Variants in CACNA2D3 observed in about 807,000 individuals in gnomAD.
The protein encoded by CACNA2D3 is voltage-dependent calcium channel subunit alpha-2/delta-3.
A neutral mutation model predicts 160.6 loss-of-function variants in CACNA2D3; 60 were observed. The ratio of observed to expected loss-of-function variants is 0.37; its 90% CI spans 0.30 to 0.46. The LOEUF is 0.46. Among genes scored for constraint, CACNA2D3 ranks in the 20% least tolerant of loss-of-function variants. The pLI, the probability that CACNA2D3 is intolerant of heterozygous loss-of-function variation, is 1.00. For synonymous variants in CACNA2D3, 558 were observed against 492.9 expected, an observed-to-expected ratio of 1.13 and a Z score of -1.75; for missense variants, 1,205 against 1,365.0, an observed-to-expected ratio of 0.88 and a Z score of 1.85.
At chr3:54,966,204 T>G (rs1304392858) in intron 27 of CACNA2D3, among the ~76,000 whole-genome samples, 1 of 152,016 alleles carries the variant, frequency 6.6e-6, no homozygotes, top group East Asian at 1.9e-4. Flanking sequence ...CCAGGACAGC[T>G]CTGGGCTGTT....
At chr3:55,054,033 C>A (rs1704301201) in intron 35 of CACNA2D3, among the ~76,000 whole-genome samples, 1 of 150,558 alleles carries the variant, frequency 6.6e-6, no homozygotes, top group South Asian at 2.1e-4. Flanking sequence ...CTGCTATTGG[C>A]TTATTGTTTA....
Position 54,509,195 on chromosome 3 carries a change from C to T in CACNA2D3, c.544+5541C>T, listed in dbSNP as rs185008541. Among the ~76,000 whole-genome samples the T allele has an allele frequency of 8.5e-5, 13 of 152,256 alleles. No individual in the cohort carries two copies. The East Asian group carries it at 2.5e-3, about 29-fold the overall frequency. On this transcript the variant is annotated intron_variant, in intron 5 of 37. Coordinates refer to ENST00000474759, the MANE Select transcript of CACNA2D3 (RefSeq NM_018398.3). Reference sequence around the variant, plus strand: ...TCATTAAAATATTGTTTTCCAAGAGCTATTTGATGTGCAAGAAGGCTCACA... The same window carrying T: ...TCATTAAAATATTGTTTTCCAAGAGTTATTTGATGTGCAAGAAGGCTCACA...
chr3:54,573,081 A>G (rs1702526526), intron 8 of CACNA2D3, among the ~76,000 whole-genome samples: 1 of 152,236 alleles, frequency 6.6e-6, no homozygotes, highest in African/African-American at 2.4e-5. Context: ...GTCCCTTTAT[A>G]TAAAGAAACC....
At chr3:54,491,801 T>C (rs1469772248) in intron 4 of CACNA2D3, among the ~76,000 whole-genome samples, 1 of 152,136 alleles carries the variant, frequency 6.6e-6, no homozygotes, top group African/African-American at 2.4e-5. Context: ...ATATTTACTA[T>C]CTGGATAGTT....
intron 2 of CACNA2D3, among the ~76,000 whole-genome samples, chr3:54,136,107 C>G (rs1230029166): frequency 6.6e-6 from 1 of 152,210 alleles, no homozygotes; most frequent in Non-Finnish European, 1.5e-5. Context: ...TGTGAACTCT[C>G]CTCAGATTCA....
chr3:54,270,223 C>G (rs1702594584), intron 2 of CACNA2D3, among the ~76,000 whole-genome samples: 1 of 152,184 alleles, frequency 6.6e-6, no homozygotes, highest in Non-Finnish European at 1.5e-5. Context: ...GAAAGAGTTT[C>G]TTTTCTCTAT....
At chr3:54,476,205 A>G (rs1477587420) in intron 4 of CACNA2D3, among the ~76,000 whole-genome samples, 2 of 148,748 alleles carry the variant, frequency 1.3e-5, no homozygotes, top group African/African-American at 4.9e-5. Flanking sequence ...TAATATTCAT[A>G]TATATGAATA....
At chr3:54,955,555 A>G (rs893652746) in intron 27 of CACNA2D3, among the ~76,000 whole-genome samples, 1 of 152,196 alleles carries the variant, frequency 6.6e-6, no homozygotes, top group Non-Finnish European at 1.5e-5. Context: ...ATACTAAGCT[A>G]GAGGAACGTT....
intron 10 of CACNA2D3, chr3:54,638,652 G>A (rs968389056): frequency 6.6e-6 from 1 of 151,890 alleles, no homozygotes; most frequent in Non-Finnish European, 1.5e-5. Context: ...GAAGATTTGG[G>A]ACGAGTTGCA....
chr3:54,968,232 A>G (rs945009830), intron 27 of CACNA2D3, among the ~76,000 whole-genome samples: 1 of 152,156 alleles, frequency 6.6e-6, no homozygotes, highest in Non-Finnish European at 1.5e-5. Flanking sequence ...AGCGATCTGC[A>G]CTGTGCTGTT....
At chr3:54,374,216 CA>C (rs1413263510) in intron 3 of CACNA2D3, among the ~76,000 whole-genome samples, 3 of 152,206 alleles carry the variant, frequency 2.0e-5, no homozygotes, top group Admixed American at 2.0e-4. Flanking sequence ...AAGCCACCAC[CA>C]ACGATCTCCG....
intron 10 of CACNA2D3, among the ~76,000 whole-genome samples, chr3:54,637,211 A>G (rs1699394707): frequency 6.6e-6 from 1 of 151,900 alleles, no homozygotes; most frequent in South Asian, 2.1e-4. Context: ...TAACCTTTTT[A>G]AAGTGTGCTG....
At chr3:54,286,154 C>T (rs1464733389) in intron 2 of CACNA2D3, among the ~76,000 whole-genome samples, 4 of 152,046 alleles carry the variant, frequency 2.6e-5, no homozygotes, top group African/African-American at 9.7e-5. Context: ...AAATTCAAAC[C>T]AATGGCAAAG....
intron 2 of CACNA2D3, among the ~76,000 whole-genome samples, chr3:54,141,642 T>C (rs2107268255): frequency 6.6e-6 from 1 of 152,360 alleles, no homozygotes; most frequent in East Asian, 1.9e-4. Context: ...CTATTAATAC[T>C]ATGCTTCTTG....
At chr3:54,857,889 A>G (rs1343468530) in intron 17 of CACNA2D3, among the ~76,000 whole-genome samples, 1 of 152,058 alleles carries the variant, frequency 6.6e-6, no homozygotes, top group Non-Finnish European at 1.5e-5. Flanking sequence ...GAGAATCCAC[A>G]TTTGCTTGTA....
chr3:54,573,993 G>A (rs893643666), intron 8 of CACNA2D3, among the ~76,000 whole-genome samples: 6 of 151,994 alleles, frequency 3.9e-5, no homozygotes, highest in Admixed American at 3.3e-4. Flanking sequence ...CCAACTGCAG[G>A]TTCTTAAAGT....
At chr3:54,312,441 C>T (rs1281129799) in intron 2 of CACNA2D3, among the ~76,000 whole-genome samples, 4 of 152,032 alleles carry the variant, frequency 2.6e-5, no homozygotes, top group Non-Finnish European at 4.4e-5. Context: ...GGCTTTTATC[C>T]GAATTAATTC....
intron 4 of CACNA2D3, among the ~76,000 whole-genome samples, chr3:54,488,348 A>G (rs568901874): frequency 6.6e-6 from 1 of 152,154 alleles, no homozygotes; most frequent in South Asian, 2.1e-4. Flanking sequence ...GAACTGATGA[A>G]AGGCCCTGCC....
chr3:54,490,927 G>T (rs1701099214), intron 4 of CACNA2D3, among the ~76,000 whole-genome samples: 1 of 152,152 alleles, frequency 6.6e-6, no homozygotes, highest in African/African-American at 2.4e-5. Context: ...CCCTGTGCTG[G>T]ATGCCGTGAT....
Sources: allele counts gnomAD v4.1 joint callset (sites outside exome capture counted in the v4.1 genomes callset), GRCh38; gene constraint gnomAD v4.1.1; transcripts MANE v1.5; gene names NCBI Gene and HGNC (gene_info 2026-07-23, HGNC 2026-07-21).